Variants in GEMIN2 observed in about 807,000 individuals in gnomAD.
The protein encoded by GEMIN2 is gem-associated protein 2.
In GEMIN2, 37 loss-of-function variants were observed where a neutral mutation model predicts 45.8. The observed-to-expected ratio is 0.81, with a 90% CI of 0.62 to 1.06. The LOEUF (loss-of-function observed/expected upper bound fraction) is 1.06. GEMIN2 is among the 50% of genes least tolerant of loss of function. The pLI is 0.00. For synonymous variants in GEMIN2, 101 were observed against 111.5 expected (o/e 0.91, Z 0.60); for missense variants, 335 against 321.8 (o/e 1.04, Z -0.31).
chr14:39,114,418 A>T lies in GEMIN2; in HGVS notation c.80A>T (p.Glu27Val). The T allele has an allele frequency of 6.2e-7, 1 of 1,613,982 alleles. No homozygotes were observed. The highest frequency in any genetic ancestry group is 8.5e-7 in the Non-Finnish European group (1 of 1,179,892). The change falls in exon 1 of 10, where the codon GAA becomes GTA. Residue 27 changes from glutamate to valine, a missense_variant. Transcript: ENST00000308317. The part of the protein sequence containing the change: ...LLPVEPCDLT[E>V]GFDPSVPPRT... Reference sequence around the variant, plus strand: ...CCGGTAGAGCCTTGCGACTTGACGGAAGGTTTCGATCCCTCGGTACCCCCG... The same window carrying T: ...CCGGTAGAGCCTTGCGACTTGACGGTAGGTTTCGATCCCTCGGTACCCCCG...
chr14:39,132,764 C>T (rs1275992767), intron 8 of GEMIN2, among the ~76,000 whole-genome samples: 2 of 147,546 alleles, frequency 1.4e-5, no homozygotes, highest in South Asian at 2.2e-4. Flanking sequence ...CTGCAACCTC[C>T]GCTTCCCAGG....
chr14:39,123,308 T>G (rs1007001711), intron 5 of GEMIN2, among the ~76,000 whole-genome samples: 11 of 151,950 alleles, frequency 7.2e-5, no homozygotes, highest in African/African-American at 2.7e-4. Context: ...TAAAACTAAT[T>G]TTTCCTAAAA....
intron 6 of GEMIN2, among the ~76,000 whole-genome samples, chr14:39,126,666 T>C (rs1181403095): frequency 6.6e-6 from 1 of 152,262 alleles, no homozygotes; most frequent in African/African-American, 2.4e-5. Context: ...TCCATCTGTA[T>C]AGTTTAAGAA....
At chr14:39,120,056 A>G (rs556805937) in intron 4 of GEMIN2, among the ~76,000 whole-genome samples, 6 of 152,258 alleles carry the variant, frequency 3.9e-5, no homozygotes, top group South Asian at 2.1e-4. Context: ...GTGCATGCCC[A>G]CTAACTAAAA....
At chr14:39,127,812 G>A (rs2052663130) in intron 6 of GEMIN2, among the ~76,000 whole-genome samples, 1 of 152,142 alleles carries the variant, frequency 6.6e-6, no homozygotes. Flanking sequence ...CCTCACACCT[G>A]TGATCGCAGC....
At chr14:39,119,003 T>C (rs541607040) in intron 4 of GEMIN2, among the ~76,000 whole-genome samples, 114 of 152,174 alleles carry the variant, frequency 7.5e-4, no homozygotes, top group Non-Finnish European at 1.3e-3. Flanking sequence ...CTCTTACTCC[T>C]GGGCTCAAGT....
chr14:39,131,869 C>A, intron 7 of GEMIN2, 89 bp from the exon 8 acceptor site: 2 of 691,828 alleles, frequency 2.9e-6, no homozygotes, highest in South Asian at 1.7e-5. Flanking sequence ...TTATTCATAG[C>A]AGATAATCAG....
In GEMIN2 at chr14:39,123,708, ATTTTTTTT is replaced by A. The variant is rs1162485883; in HGVS notation, c.486+1188_486+1195del. ...TAGCTATATATATATATATATATAT[ATTTTTTTT>A]TTTTTTTTTTTTTTTTTTTTTTGAG... On this transcript the variant is annotated intron_variant, in intron 5 of 9. Coordinates refer to ENST00000308317, the MANE Select transcript of GEMIN2 (RefSeq NM_003616.3). 5.2e-3 allele frequency among the ~76,000 whole-genome samples: 194 copies of A among 37,564 alleles called. 2 individuals are homozygous for A. In the East Asian group the frequency reaches 0.11, roughly 20 times the overall value. The allele number at this position is 37,564 out of a possible 152,430, so 24.6% of individuals were successfully genotyped here.
chr14:39,117,415 A>T (rs1318594337), intron 2 of GEMIN2, among the ~76,000 whole-genome samples: 2 of 152,216 alleles, frequency 1.3e-5, no homozygotes, highest in Non-Finnish European at 2.9e-5. Flanking sequence ...GCACAATAAT[A>T]ATTGTACATA....
intron 7 of GEMIN2, 78 bp downstream of exon 7, chr14:39,128,426 T>A: frequency 1.4e-6 from 1 of 734,732 alleles, no homozygotes; most frequent in South Asian, 1.5e-5. Flanking sequence ...ACATATACAA[T>A]GGTGCTCCTA....
At chr14:39,118,435 T>G in intron 3 of GEMIN2, 105 bp from the exon 4 acceptor site, 1 of 691,898 alleles carries the variant, frequency 1.4e-6, no homozygotes, top group Non-Finnish European at 2.7e-6. Flanking sequence ...CCTCCCACCT[T>G]TCCCATTTTT....
chr14:39,114,445 G>A lies in GEMIN2; in HGVS notation c.107G>A (p.Arg36Lys), dbSNP rs770107021. The A allele has an allele frequency of 6.2e-7, 1 of 1,613,790 alleles. No homozygotes were observed. The highest frequency in any genetic ancestry group is 1.3e-5 in the African/African-American group (1 of 74,932). The stretch of plus-strand genomic sequence containing the variant: ...GGTTTCGATCCCTCGGTACCCCCGA[G>A]GACGCCTCAGGAATACCTGAGGCGG... ...TEGFDPSVPP[R>K]TPQEYLRRVQ... Residue 36 changes from arginine to lysine, a missense_variant, in exon 1 of 10, where the codon AGG becomes AAG. Arg to Lys is a conservative substitution (Grantham distance 26, BLOSUM62 2). Transcript: ENST00000308317.
chr14:39,118,584 T>G lies in GEMIN2; in HGVS notation c.357T>G (p.Asp119Glu). ...GTCACTGGAAATCACAACAGTTGGA[T>G]AGTAATGTGACAATGGTATGTAAGT... ...HRSHWKSQQL[D>E]SNVTMPKSED... The change falls in exon 4 of 10, where the codon GAT becomes GAG. Residue 119 changes from aspartate (D) to glutamate (E), a missense_variant. Coordinates refer to ENST00000308317, the MANE Select transcript of GEMIN2 (RefSeq NM_003616.3). 1 of 1,478,180 alleles carries G rather than the reference T, an allele frequency of 6.8e-7. No individual in the cohort carries two copies. The highest frequency in any genetic ancestry group is 9.5e-7 in the Non-Finnish European group (1 of 1,056,546). The allele number at this position is 1,478,180 out of a possible 1,614,324, so 91.6% of individuals were successfully genotyped here.
intron 6 of GEMIN2, among the ~76,000 whole-genome samples, chr14:39,127,007 C>T (rs2052651244): frequency 1.3e-5 from 2 of 151,998 alleles, no homozygotes; most frequent in South Asian, 2.1e-4. Flanking sequence ...TTGTGATCCA[C>T]CCGCCTCAGC....
In GEMIN2 at chr14:39,128,266, C is replaced by T. The variant is rs1046827992; in HGVS notation, c.532-14C>T. 26 of 1,151,840 alleles carry T rather than the reference C, an allele frequency of 2.3e-5. No homozygotes were observed. The highest frequency in any genetic ancestry group is 2.5e-5 in the Non-Finnish European group (21 of 829,738). 71.4% of individuals were successfully genotyped at this position (1,151,840 alleles called of 1,614,324 possible). A position where few individuals can be genotyped will look rare whatever the true frequency, so the allele number is the denominator to read the frequency against. On this transcript the variant is annotated splice_polypyrimidine_tract_variant and intron_variant, in intron 6 of 9. Transcript: ENST00000308317. ...TTAATACAACTCTTCTCCACCCCCTCTTTTTTTTTTTAGGCAACAGTAACT... is the reference window on the plus strand; with the variant it reads ...TTAATACAACTCTTCTCCACCCCCTTTTTTTTTTTTTAGGCAACAGTAACT...
At chr14:39,117,104 C>T (rs967605218) in intron 2 of GEMIN2, among the ~76,000 whole-genome samples, 2 of 152,046 alleles carry the variant, frequency 1.3e-5, no homozygotes, top group African/African-American at 4.8e-5. Flanking sequence ...GAAACCCCAT[C>T]TCTACTAAAA....
intron 4 of GEMIN2, 140 bp from the exon 5 acceptor site, chr14:39,122,290 G>A (rs1566531925): frequency 6.7e-6 from 4 of 598,016 alleles, no homozygotes; most frequent in Non-Finnish European, 1.2e-5. Flanking sequence ...AAATTTGGGG[G>A]CAGAGATTCT....
intron 7 of GEMIN2, among the ~76,000 whole-genome samples, chr14:39,128,914 C>T (rs1227986615): frequency 6.6e-6 from 1 of 152,150 alleles, no homozygotes. Flanking sequence ...GTTTGGATTA[C>T]AAGCATGAGC....
chr14:39,128,794 T>C (rs73289793), intron 7 of GEMIN2, among the ~76,000 whole-genome samples: 2,769 of 152,072 alleles, frequency 0.018, 87 homozygotes, highest in African/African-American at 0.063. Context: ...TGAGCCACCA[T>C]GTGTGCGGCC....
Sources: allele counts gnomAD v4.1 joint callset (sites outside exome capture counted in the v4.1 genomes callset), GRCh38; gene constraint gnomAD v4.1.1; transcripts MANE v1.5; gene names NCBI Gene and HGNC (gene_info 2026-07-23, HGNC 2026-07-21).